Variants in GALNT13 observed in about 807,000 individuals in gnomAD.
The protein encoded by GALNT13 is polypeptide N-acetylgalactosaminyltransferase 13, also known as UDP-GalNAc:polypeptide N-acetylgalactosaminyltransferase 13.
Under a neutral mutation model 64.2 loss-of-function variants are expected in GALNT13, and 28 were observed. That is an observed-to-expected ratio of 0.44 (90% CI 0.32 to 0.60). The LOEUF is 0.60. Ranked by LOEUF, GALNT13 falls within the 20% of genes least tolerant of loss-of-function variation. GALNT13 has a pLI of 0.05. For missense variants in GALNT13, 577 were observed against 669.8 expected, an observed-to-expected ratio of 0.86 and a Z score of 1.53; for synonymous variants, 214 against 224.6, an observed-to-expected ratio of 0.95 and a Z score of 0.42.
the GALNT13 span, among the ~76,000 whole-genome samples, chr2:153,402,101 G>A: frequency 7.0e-6 from 1 of 142,048 alleles, no homozygotes; most frequent in Admixed American, 6.9e-5. Flanking sequence ...CTTCCTTCAG[G>A]AGCTCTTTTA....
the GALNT13 span, among the ~76,000 whole-genome samples, chr2:153,097,024 T>C: frequency 4.6e-5 from 7 of 152,250 alleles, no homozygotes; most frequent in African/African-American, 1.7e-4. Flanking sequence ...TTTTATCTGT[T>C]GTGTGTTCGT....
At chr2:153,756,820 TA>T in the GALNT13 span, among the ~76,000 whole-genome samples, 18 of 152,210 alleles carry the variant, frequency 1.2e-4, no homozygotes, top group African/African-American at 4.3e-4. Flanking sequence ...GGCCAAAATG[TA>T]AACTATCTGC....
intron 8 of GALNT13, among the ~76,000 whole-genome samples, chr2:154,281,514 G>A (rs1041800962): frequency 3.9e-5 from 6 of 152,106 alleles, no homozygotes; most frequent in African/African-American, 1.2e-4. Context: ...AAACTCCAAG[G>A]CAAAGAAAGT....
chr2:153,332,534 G>GTTTTTTTTTTTTTTTTTTTTTTTTTT, the GALNT13 span, among the ~76,000 whole-genome samples: 1 of 136,260 alleles, frequency 7.3e-6, no homozygotes, highest in Non-Finnish European at 1.6e-5. Context: ...TGAGAGTATT[G>GTTTTTTTTTTTTTTTTTTTTTTTTTT]TTTTTTTTTT....
In GALNT13 at chr2:154,232,251, A is replaced by G. The variant is rs1448696025; in HGVS notation, c.312-9779A>G. ...TTTGTGATATGAAAATACAACTAGT[A>G]AATATGTAGTAGCACATTTACAGCC... On this transcript the variant is annotated intron_variant, in intron 4 of 12. Transcript: ENST00000392825. Among the ~76,000 whole-genome samples, 11 of 152,284 alleles carry G rather than the reference A, an allele frequency of 7.2e-5. No homozygotes were observed. The East Asian group carries it at 1.9e-3, about 27-fold the overall frequency.
chr2:153,620,921 T>C, the GALNT13 span, among the ~76,000 whole-genome samples: 1 of 152,042 alleles, frequency 6.6e-6, no homozygotes, highest in African/African-American at 2.4e-5. Context: ...ACTTTCCAGA[T>C]ATTTGAAAAG....
the GALNT13 span, among the ~76,000 whole-genome samples, chr2:153,789,292 A>G: frequency 2.6e-5 from 4 of 152,164 alleles, no homozygotes; most frequent in South Asian, 8.3e-4. Flanking sequence ...AGACTAAAAA[A>G]TTAATCAAAA....
chr2:153,967,251 G>A (rs1693436262), intron 3 of GALNT13, among the ~76,000 whole-genome samples: 1 of 152,132 alleles, frequency 6.6e-6, no homozygotes, highest in Admixed American at 6.5e-5. Context: ...AGTTAATGTG[G>A]TGAGGCTATG....
the GALNT13 span, among the ~76,000 whole-genome samples, chr2:153,499,499 G>A: frequency 1.3e-5 from 2 of 152,132 alleles, no homozygotes; most frequent in African/African-American, 4.8e-5. Context: ...ATTTCACTGG[G>A]GACCTGCCCC....
the GALNT13 span, among the ~76,000 whole-genome samples, chr2:153,512,423 A>G: frequency 6.6e-6 from 1 of 152,212 alleles, no homozygotes; most frequent in African/African-American, 2.4e-5. Context: ...GACTTTTTAC[A>G]CTAGATGAGA....
chr2:153,401,117 T>C, the GALNT13 span, among the ~76,000 whole-genome samples: 4 of 152,154 alleles, frequency 2.6e-5, no homozygotes, highest in Admixed American at 6.5e-5. Flanking sequence ...GAGATTCTGG[T>C]ATGTTGTGTC....
At chr2:153,847,612 C>A in the GALNT13 span, among the ~76,000 whole-genome samples, 1 of 151,274 alleles carries the variant, frequency 6.6e-6, no homozygotes, top group East Asian at 2.0e-4. Context: ...TAACACACAT[C>A]TAAATAACCC....
the GALNT13 span, among the ~76,000 whole-genome samples, chr2:153,567,018 T>C: frequency 3.7e-4 from 56 of 152,340 alleles, no homozygotes; most frequent in African/African-American, 1.3e-3. Flanking sequence ...ACATAAACTA[T>C]TGACATATTT....
the GALNT13 span, among the ~76,000 whole-genome samples, chr2:153,437,120 A>G: frequency 3.3e-5 from 5 of 152,000 alleles, no homozygotes; most frequent in Non-Finnish European, 5.9e-5. Context: ...TTCAGTTTCC[A>G]TGTAGTTGAG....
chr2:153,503,852 TG>T, the GALNT13 span, among the ~76,000 whole-genome samples: 1 of 152,214 alleles, frequency 6.6e-6, no homozygotes, highest in East Asian at 1.9e-4. Context: ...TGCTTGGTCT[TG>T]CTTTAGCTCT....
the GALNT13 span, among the ~76,000 whole-genome samples, chr2:153,631,882 C>T: frequency 6.6e-6 from 1 of 152,132 alleles, no homozygotes; most frequent in Non-Finnish European, 1.5e-5. Context: ...AGTCCTTGCC[C>T]ATGCCTATGT....
At chr2:153,766,603 C>T in the GALNT13 span, among the ~76,000 whole-genome samples, 12 of 152,148 alleles carry the variant, frequency 7.9e-5, no homozygotes, top group East Asian at 1.9e-3. Context: ...TGTCTTCTAA[C>T]TTACTAATTC....
chr2:154,293,130 A>C (rs939304917), intron 8 of GALNT13, among the ~76,000 whole-genome samples: 1 of 152,188 alleles, frequency 6.6e-6, no homozygotes, highest in African/African-American at 2.4e-5. Flanking sequence ...ATAAAATATA[A>C]AATATTAATC....
chr2:154,414,126 A>C (rs1318396607), intron 11 of GALNT13, among the ~76,000 whole-genome samples: 1 of 152,064 alleles, frequency 6.6e-6, no homozygotes, highest in Non-Finnish European at 1.5e-5. Context: ...TTACTTCTTT[A>C]GAAATATGTC....
Sources: allele counts gnomAD v4.1 joint callset (sites outside exome capture counted in the v4.1 genomes callset), GRCh38; gene constraint gnomAD v4.1.1; transcripts MANE v1.5; gene names NCBI Gene and HGNC (gene_info 2026-07-23, HGNC 2026-07-21).